Variants in REEP1 observed in about 807,000 individuals in gnomAD.
The protein encoded by REEP1 is receptor accessory protein 1, also known as receptor expression-enhancing protein 1.
Under a neutral mutation model 40.3 loss-of-function variants are expected in REEP1, and 22 were observed. The ratio of observed to expected loss-of-function variants is 0.55; its 90% CI spans 0.39 to 0.78. REEP1 has a LOEUF of 0.78. Ranked by LOEUF, REEP1 falls within the 30% of genes least tolerant of loss-of-function variation. REEP1 has a pLI of 0.00. For missense variants in REEP1, 280 were observed against 361.1 expected (o/e 0.78, Z 1.82); for synonymous variants, 116 against 139.2 (o/e 0.83, Z 1.17).
chr2:86,238,670 G>A (rs550484251), intron 5 of REEP1, among the ~76,000 whole-genome samples: 230 of 152,336 alleles, frequency 1.5e-3, no homozygotes, highest in African/African-American at 5.3e-3. Context: ...TGCAAGGAGC[G>A]TATAAGAAGT....
intron 1 of REEP1, among the ~76,000 whole-genome samples, chr2:86,299,899 T>G (rs1679179643): frequency 1.3e-5 from 2 of 152,196 alleles, no homozygotes; most frequent in African/African-American, 4.8e-5. Context: ...ACTGGTAGAC[T>G]GAATATGGCC....
At chr2:86,268,719 C>A (rs1317566269) in intron 2 of REEP1, among the ~76,000 whole-genome samples, 13 of 152,024 alleles carry the variant, frequency 8.6e-5, no homozygotes, top group Admixed American at 8.5e-4. Context: ...TATCAGATTT[C>A]AAAACTTAAT....
At chr2:86,224,643 C>T (rs1333056947) in intron 7 of REEP1, among the ~76,000 whole-genome samples, 1 of 152,220 alleles carries the variant, frequency 6.6e-6, no homozygotes, top group Non-Finnish European at 1.5e-5. Context: ...TTGAGGCCAC[C>T]ACCAGGCCTC....
chr2:86,273,225 G>C (rs910686130), intron 2 of REEP1, among the ~76,000 whole-genome samples: 4 of 149,386 alleles, frequency 2.7e-5, no homozygotes, highest in African/African-American at 7.4e-5. Context: ...CTGTTGTTAA[G>C]ATAAAGCCCA....
chr2:86,334,533 C>T (rs912458370), intron 1 of REEP1, among the ~76,000 whole-genome samples: 1 of 152,124 alleles, frequency 6.6e-6, no homozygotes, highest in Non-Finnish European at 1.5e-5. Context: ...TTCACCAGCT[C>T]ATCTTGTGTC....
intron 1 of REEP1, among the ~76,000 whole-genome samples, chr2:86,306,081 G>A (rs1679467540): frequency 6.6e-6 from 1 of 151,960 alleles, no homozygotes; most frequent in Non-Finnish European, 1.5e-5. Context: ...TTTTTTAAGT[G>A]GCTGTACCAT....
At chr2:86,261,440 G>A (rs140431365) in intron 3 of REEP1, among the ~76,000 whole-genome samples, 4,579 of 152,216 alleles carry the variant, frequency 0.03, 116 homozygotes, top group East Asian at 0.07. Context: ...CCCCAACCCC[G>A]TGCTCTCTGA....
intron 1 of REEP1, among the ~76,000 whole-genome samples, chr2:86,313,303 T>C (rs1679851003): frequency 6.7e-6 from 1 of 150,030 alleles, no homozygotes; most frequent in Non-Finnish European, 1.5e-5. Flanking sequence ...TTCTTTTCTT[T>C]TTTTTTTTTT....
At chr2:86,310,625 T>G (rs1679716704) in intron 1 of REEP1, among the ~76,000 whole-genome samples, 1 of 152,162 alleles carries the variant, frequency 6.6e-6, no homozygotes, top group Non-Finnish European at 1.5e-5. Context: ...ATCAAGATTC[T>G]CCTTCAAGTC....
chr2:86,310,874 C>A (rs1679731011), intron 1 of REEP1, among the ~76,000 whole-genome samples: 1 of 152,138 alleles, frequency 6.6e-6, no homozygotes, highest in Non-Finnish European at 1.5e-5. Context: ...TTAAAAGAAA[C>A]AAATCTATGA....
At chr2:86,315,180 A>C (rs1039913046) in intron 1 of REEP1, among the ~76,000 whole-genome samples, 1 of 152,180 alleles carries the variant, frequency 6.6e-6, no homozygotes, top group African/African-American at 2.4e-5. Context: ...CAATCAGGGA[A>C]GCTGCCTGCC....
intron 4 of REEP1, among the ~76,000 whole-genome samples, chr2:86,252,884 C>A (rs553917872): frequency 9.9e-5 from 15 of 152,172 alleles, no homozygotes; most frequent in Admixed American, 9.8e-4. Flanking sequence ...TCTTCAGGGA[C>A]CAAAGCCAAG....
intron 3 of REEP1, among the ~76,000 whole-genome samples, chr2:86,262,808 C>T (rs1023308448): frequency 6.6e-6 from 1 of 152,228 alleles, no homozygotes; most frequent in Non-Finnish European, 1.5e-5. Flanking sequence ...ATATTTTCCA[C>T]ACTACTTTTA....
chr2:86,280,066 C>A (rs1276001007), intron 2 of REEP1: 5 of 456,162 alleles, frequency 1.1e-5, no homozygotes, highest in African/African-American at 2.0e-5. Context: ...GGGACATGGT[C>A]ACCAACTGGG....
At chr2:86,315,740 A>T (rs1679968385) in intron 1 of REEP1, among the ~76,000 whole-genome samples, 1 of 152,168 alleles carries the variant, frequency 6.6e-6, no homozygotes, top group South Asian at 2.1e-4. Context: ...GAGGACCCAG[A>T]TGCTCTCTGG....
intron 5 of REEP1, among the ~76,000 whole-genome samples, chr2:86,246,434 G>A (rs932301859): frequency 3.3e-5 from 5 of 152,138 alleles, no homozygotes; most frequent in African/African-American, 4.8e-5. Context: ...TTCAATAGGT[G>A]GACTATAGTA....
chr2:86,317,806 C>G (rs890444040), intron 1 of REEP1, among the ~76,000 whole-genome samples: 1 of 152,184 alleles, frequency 6.6e-6, no homozygotes, highest in Non-Finnish European at 1.5e-5. Flanking sequence ...CTGCTGCATA[C>G]TAAAGTATAA....
At chr2:86,232,000 T>TGGGATTGCTGGTATTGGGTCA (rs1675043775) in intron 6 of REEP1, among the ~76,000 whole-genome samples, 1 of 152,142 alleles carries the variant, frequency 6.6e-6, no homozygotes, top group Admixed American at 6.5e-5. Flanking sequence ...GATGGGCGTG[T>TGGGATTGCTGGTATTGGGTCA]GACACCAGAG....
chr2:86,302,564 A>T (rs1440109624), intron 1 of REEP1, among the ~76,000 whole-genome samples: 3 of 152,236 alleles, frequency 2.0e-5, no homozygotes, highest in Non-Finnish European at 4.4e-5. Context: ...AGATTAACAC[A>T]TAAATATGTT....
Sources: allele counts gnomAD v4.1 joint callset (sites outside exome capture counted in the v4.1 genomes callset), GRCh38; gene constraint gnomAD v4.1.1; transcripts MANE v1.5; gene names NCBI Gene and HGNC (gene_info 2026-07-23, HGNC 2026-07-21).